DNAAF3: variants seen among roughly 807,000 people sequenced by gnomAD.
DNAAF3 encodes the protein dynein axonemal assembly factor 3.
In DNAAF3, 40 loss-of-function variants were observed where a neutral mutation model predicts 50.9. That is an observed-to-expected ratio of 0.79 (90% CI 0.61 to 1.02). The LOEUF (loss-of-function observed/expected upper bound fraction) is 1.02. Among genes scored for constraint, DNAAF3 ranks in the 50% least tolerant of loss-of-function variants. DNAAF3 has a pLI of 0.00. For missense variants in DNAAF3, 763 were observed against 744.7 expected (o/e 1.02, Z -0.29); for synonymous variants, 327 against 322.8 (o/e 1.01, Z -0.14).
intron 4 of DNAAF3, among the ~76,000 whole-genome samples, chr19:55,164,088 T>G (rs1052193280): frequency 3.3e-5 from 5 of 152,190 alleles, no homozygotes; most frequent in African/African-American, 1.2e-4. Context: ...GTGGAACAGA[T>G]GCCTGCATCC....
At position 55,161,288 on chromosome 19, in the gene DNAAF3, C is replaced by G. The variant is rs376485677; in HGVS notation, c.789+5G>C. 1.9e-6 allele frequency: 3 copies of G among 1,608,500 alleles called. No individual in the cohort carries two copies. In the Admixed American group the frequency reaches 5.0e-5, roughly 27 times the overall value. ...AGTGGGCCAGGACAGGCAGTGGACACGCACGTAGCTCAGGAGGCGACCGGA... is the reference window on the plus strand; with the variant it reads ...AGTGGGCCAGGACAGGCAGTGGACAGGCACGTAGCTCAGGAGGCGACCGGA... On this transcript the variant is annotated splice_donor_5th_base_variant and intron_variant, in intron 7 of 11. Transcript: ENST00000524407. The surrounding 1 kb of genome is among the most constrained non-coding windows in gnomAD (Gnocchi z 6.4).
At position 55,161,900 on chromosome 19, in the gene DNAAF3, C is replaced by G; in HGVS notation, c.481-75G>C. 8 of 1,365,360 alleles carry G rather than the reference C, an allele frequency of 5.9e-6. No individual in the cohort carries two copies. Among genetic ancestry groups the G allele is most frequent in the Non-Finnish European group, 7.5e-6 (8 of 1,060,712 alleles). 84.6% of individuals were successfully genotyped at this position (1,365,360 alleles called of 1,614,324 possible). On this transcript the variant is annotated intron_variant, in intron 5 of 11. Coordinates refer to ENST00000524407, the MANE Select transcript of DNAAF3 (RefSeq NM_001256715.2). The surrounding 1 kb of genome is among the most constrained non-coding windows in gnomAD (Gnocchi z 6.4). ...GGGAGAGCGGATTCTAATTGACCCT[C>G]TCTTCCATCCCAGAACAGGGGAACG...
In DNAAF3 at chr19:55,165,990, C is replaced by T; in HGVS notation, c.96G>A (p.Val32=). Reference sequence around the variant, plus strand: ...CTGTATCGGCCTGGGAGTCTGGGTCCACAGGAGGACCTGGCAAGATGACAG... The same window carrying T: ...CTGTATCGGCCTGGGAGTCTGGGTCTACAGGAGGACCTGGCAAGATGACAG... ...ALDLQAESPP[V]DPDSQADTVH... The change falls in exon 3 of 12, where the codon GTG becomes GTA. Residue 32 remains valine (V), a synonymous_variant. Transcript: ENST00000524407. The T allele has an allele frequency of 6.2e-7, 1 of 1,614,218 alleles. No individual in the cohort carries two copies.
Position 55,160,120 on chromosome 19 carries a change from G to A in DNAAF3, c.1049-107C>T, listed in dbSNP as rs1193267590. On this transcript the variant is annotated intron_variant, in intron 9 of 11. Transcript: ENST00000524407. This position sits in a 1 kb window ranked among gnomAD's most constrained non-coding sequence, Gnocchi z 4.7. ...AGAGCTGGGCAGGCACACAGGACTT[G>A]GAGATAACACTTTTTGTCCTCTTGC... 1.3e-6 allele frequency: 1 copy of A among 751,098 alleles called. No homozygotes were observed. 46.5% of individuals were successfully genotyped at this position (751,098 alleles called of 1,614,324 possible). A position where few individuals can be genotyped will look rare whatever the true frequency, so the allele number is the denominator to read the frequency against.
chr19:55,160,922 G>T lies in DNAAF3; in HGVS notation c.912+143C>A. 1 of 1,449,066 alleles carries T rather than the reference G, an allele frequency of 6.9e-7. No homozygotes were observed. The highest frequency in any genetic ancestry group is 1.4e-5 in the South Asian group (1 of 72,110). The allele number at this position is 1,449,066 out of a possible 1,614,324, so 89.8% of individuals were successfully genotyped here. ...GCGGGACCTATCCCGCGGGGATGGG[G>T]CCTGTTCTCTGAATGGAGTCGTTCC... On this transcript the variant is annotated intron_variant, in intron 8 of 11. Transcript: ENST00000524407. The surrounding 1 kb of genome is among the most constrained non-coding windows in gnomAD (Gnocchi z 4.7).
Position 55,165,024 on chromosome 19 carries a change from T to C in DNAAF3, c.322+346A>G, listed in dbSNP as rs1349130443. On this transcript the variant is annotated intron_variant, in intron 4 of 11. Coordinates refer to ENST00000524407, the MANE Select transcript of DNAAF3 (RefSeq NM_001256715.2). ...TTTTTAGATGGAGTTTCGCTCTCTT[T>C]TTTTTTTTTTTTTTTTTTTTTTTGA... Among the ~76,000 whole-genome samples, 192 of 64,522 alleles carry C rather than the reference T, an allele frequency of 3.0e-3. 3 individuals carry two copies. Among genetic ancestry groups the C allele is most frequent in the African/African-American group, 0.013 (186 of 13,978 alleles). 42.3% of individuals were successfully genotyped at this position (64,522 alleles called of 152,430 possible).
In DNAAF3 at chr19:55,161,860, G is replaced by A; in HGVS notation, c.481-35C>T. On this transcript the variant is annotated intron_variant, in intron 5 of 11. Coordinates refer to ENST00000524407, the MANE Select transcript of DNAAF3 (RefSeq NM_001256715.2). The surrounding 1 kb of genome is among the most constrained non-coding windows in gnomAD (Gnocchi z 6.4). Reference sequence around the variant, plus strand: ...CAGGCACGCGGTGGGACAGAGGAAGGCAGAGAGGGATGCAGGGAGAGCGGA... The same window carrying A: ...CAGGCACGCGGTGGGACAGAGGAAGACAGAGAGGGATGCAGGGAGAGCGGA... The A allele has an allele frequency of 7.1e-7, 1 of 1,410,760 alleles. No individual in the cohort carries two copies. The highest frequency in any genetic ancestry group is 9.2e-7 in the Non-Finnish European group (1 of 1,085,098). 87.4% of individuals were successfully genotyped at this position (1,410,760 alleles called of 1,614,324 possible).
At chr19:55,162,442 C>A in intron 4 of DNAAF3, 152 bp from the exon 5 acceptor site, 2 of 988,294 alleles carry the variant, frequency 2.0e-6, no homozygotes, top group Non-Finnish European at 2.6e-6. Context: ...AAGAACAGGG[C>A]CGGACATGGT....
intron 4 of DNAAF3, among the ~76,000 whole-genome samples, chr19:55,163,128 G>C (rs912059489): frequency 3.4e-5 from 5 of 145,908 alleles, no homozygotes; most frequent in African/African-American, 5.0e-5. Context: ...TTCTGCCTCA[G>C]CCTCCGGAGT....
chr19:55,164,473 C>G (rs1375323223), intron 4 of DNAAF3, among the ~76,000 whole-genome samples: 1 of 152,166 alleles, frequency 6.6e-6, no homozygotes, highest in Non-Finnish European at 1.5e-5. Context: ...CGGGACAAGA[C>G]TCTGCCTCAA....
intron 4 of DNAAF3, among the ~76,000 whole-genome samples, 171 bp downstream of exon 4, chr19:55,165,199 G>A (rs1421553500): frequency 2.0e-5 from 3 of 149,962 alleles, no homozygotes; most frequent in African/African-American, 7.4e-5. Context: ...CCCGGCCGGA[G>A]TTTCGCTCTT....
chr19:55,166,511 C>A lies in DNAAF3; in HGVS notation c.-5+12G>T, dbSNP rs780582751. ...CTCGCCCCTTTGCCTCCACATGATA[C>A]CTTGCCCACACCTTTATCCTCCAAA... On this transcript the variant is annotated intron_variant, in intron 1 of 11. Transcript: ENST00000524407. This position sits in a 1 kb window ranked among gnomAD's most constrained non-coding sequence, Gnocchi z 4.0. 2.5e-6 allele frequency: 4 copies of A among 1,614,044 alleles called. No homozygotes were observed. The South Asian group carries it at 3.3e-5, about 13-fold the overall frequency.
rs777100793 is a variant in DNAAF3 at position 55,161,215 on chromosome 19, G to T, written c.790-28C>A. 3.8e-6 allele frequency: 6 copies of T among 1,587,558 alleles called. No homozygotes were observed. The African/African-American group carries it at 4.0e-5, about 11-fold the overall frequency. On this transcript the variant is annotated intron_variant, in intron 7 of 11. Coordinates refer to ENST00000524407, the MANE Select transcript of DNAAF3 (RefSeq NM_001256715.2). The surrounding 1 kb of genome is among the most constrained non-coding windows in gnomAD (Gnocchi z 6.4). ...GGAAAAGGAGGGAGAGAGGAGGCAG[G>T]TGAGGTCGATGTTGGGGCCCCTGAC...
At position 55,161,563 on chromosome 19, in the gene DNAAF3, C is replaced by T. The variant is rs1300671525; in HGVS notation, c.663+80G>A. Reference sequence around the variant, plus strand: ...AGTTCAGGCCCCCAAACCCTCCTCCCTCAGACTCAGGAGGCCCCCAGCCCC... The same window carrying T: ...AGTTCAGGCCCCCAAACCCTCCTCCTTCAGACTCAGGAGGCCCCCAGCCCC... On this transcript the variant is annotated intron_variant, in intron 6 of 11. Transcript: ENST00000524407. The surrounding 1 kb of genome is among the most constrained non-coding windows in gnomAD (Gnocchi z 6.4). 253 of 1,470,646 alleles carry T rather than the reference C, an allele frequency of 1.7e-4. No homozygotes were observed. Among genetic ancestry groups the T allele is most frequent in the Non-Finnish European group, 9.9e-6 (11 of 1,110,448 alleles). 91.1% of individuals were successfully genotyped at this position (1,470,646 alleles called of 1,614,324 possible).
chr19:55,163,201 G>T (rs960825702), intron 4 of DNAAF3, among the ~76,000 whole-genome samples: 7 of 151,418 alleles, frequency 4.6e-5, no homozygotes, highest in African/African-American at 1.5e-4. Context: ...AGTAGAGACG[G>T]GGTTTCACGT....
Position 55,161,317 on chromosome 19 carries a change from C to A in DNAAF3, c.765G>T (p.Leu255=), listed in dbSNP as rs2147296405. The stretch of plus-strand genomic sequence containing the variant: ...CGTAGCTCAGGAGGCGACCGGACGC[C>A]AGGGTCCGGTTGGGCACATGATAGG... ...SSAYHVPNRT[L]ASGRLLSYRG... is the part of the protein sequence containing the mutation. Residue 255 remains leucine (L), a synonymous_variant, in exon 7 of 12, where the codon CTG becomes CTT. Transcript: ENST00000524407. The surrounding 1 kb of genome is among the most constrained non-coding windows in gnomAD (Gnocchi z 6.4). 2 of 1,610,932 alleles carry A rather than the reference C, an allele frequency of 1.2e-6. 1 individual carries two copies. Among genetic ancestry groups the A allele is most frequent in the East Asian group, 4.5e-5 (2 of 44,744 alleles).
chr19:55,159,060 G>A lies in DNAAF3; in HGVS notation c.*2C>T, dbSNP rs765312080. On this transcript the variant is annotated 3_prime_UTR_variant, in exon 12 of 12. Transcript: ENST00000524407. ...GGAGATAAGGGGTGTCTAGGGGTTG[G>A]GTCAGACTCCAGTTTTGGAGTCTGA... is the stretch of plus-strand genomic sequence containing the variant. 3.2e-6 allele frequency: 5 copies of A among 1,580,786 alleles called. No homozygotes were observed. Among genetic ancestry groups the A allele is most frequent in the Non-Finnish European group, 4.3e-6 (5 of 1,162,352 alleles).
chr19:55,160,857 G>A lies in DNAAF3; in HGVS notation c.913-82C>T. On this transcript the variant is annotated intron_variant, in intron 8 of 11. Coordinates refer to ENST00000524407, the MANE Select transcript of DNAAF3 (RefSeq NM_001256715.2). The surrounding 1 kb of genome is among the most constrained non-coding windows in gnomAD (Gnocchi z 4.7). ...AGAACGCTGGGAGTCCTCGGTCCAG[G>A]ACTAGAACTCCCGCAGCTGCTTGGA... 2 of 1,525,138 alleles carry A rather than the reference G, an allele frequency of 1.3e-6. No homozygotes were observed. The highest frequency in any genetic ancestry group is 1.2e-5 in the South Asian group (1 of 84,150). The allele number at this position is 1,525,138 out of a possible 1,614,324, so 94.5% of individuals were successfully genotyped here. A position where few individuals can be genotyped will look rare whatever the true frequency, so the allele number is the denominator to read the frequency against.
rs1353927924 is a variant in DNAAF3, at chr19:55,161,151, C to A, written c.826G>T (p.Asp276Tyr). The A allele has an allele frequency of 1.3e-6, 2 of 1,555,546 alleles. No individual in the cohort carries two copies. The highest frequency in any genetic ancestry group is 1.2e-5 in the South Asian group (1 of 84,814). Residue 276 changes from aspartate to tyrosine, a missense_variant, in exon 8 of 12, where the codon GAC becomes TAC. By Grantham distance (160) the Asp-to-Tyr change is radical (BLOSUM62 -3). Coordinates refer to ENST00000524407, the MANE Select transcript of DNAAF3 (RefSeq NM_001256715.2). The surrounding 1 kb of genome is among the most constrained non-coding windows in gnomAD (Gnocchi z 6.4). The stretch of plus-strand genomic sequence containing the variant: ...GCCACGAAGGGCCCCGTGGCGATGT[C>A]CCCCCAGTACCCGCGCGCTGCCACG... Reference protein sequence around the residue: ...ERVAARGYWGDIATGPFVAFG... With the variant: ...ERVAARGYWGYIATGPFVAFG...
Sources: gnomAD v4.1 joint callset for allele counts (sites outside exome capture counted in the v4.1 genomes callset) on GRCh38, gnomAD v4.1.1 for gene constraint, Gnocchi (gnomAD v3.1) non-coding constraint, MANE v1.5 for transcripts, NCBI Gene and HGNC (gene_info 2026-07-23, HGNC 2026-07-21) for gene names.